Variants in BMP7 observed in about 807,000 individuals in gnomAD.
BMP7 encodes osteogenic protein 1.
A neutral mutation model predicts 41.2 loss-of-function variants in BMP7; 12 were observed. The ratio of observed to expected loss-of-function variants is 0.29; its 90% confidence interval spans 0.19 to 0.47. The LOEUF is 0.47. Ranked by LOEUF, BMP7 falls within the 20% of genes least tolerant of loss-of-function variation. The pLI is 0.99. For missense variants in BMP7, 467 were observed against 606.0 expected (o/e 0.77, Z 2.41); for synonymous variants, 248 against 250.0 (o/e 0.99, Z 0.07).
In BMP7 at chr20:57,183,671, G is replaced by A; in HGVS notation, c.958+51C>T. On this transcript the variant is annotated intron_variant, in intron 4 of 6. Coordinates refer to ENST00000395863, the MANE Select transcript of BMP7 (RefSeq NM_001719.3). Reference sequence around the variant, plus strand: ...CAGTCTCCTGCCGGGTCCCGCCGGGGCCCTGCTGGGTTCCTGTGGTGGGTC... The same window carrying A: ...CAGTCTCCTGCCGGGTCCCGCCGGGACCCTGCTGGGTTCCTGTGGTGGGTC... 6 of 1,609,038 alleles carry A rather than the reference G, an allele frequency of 3.7e-6. No individual in the cohort carries two copies. The South Asian group carries it at 4.4e-5, about 12-fold the overall frequency.
intron 2 of BMP7, among the ~76,000 whole-genome samples, chr20:57,218,998 G>A (rs1985114543): frequency 7.1e-6 from 1 of 140,620 alleles, no homozygotes; most frequent in Non-Finnish European, 1.6e-5. Context: ...TGGTAGCTGG[G>A]TTTGTTTGGT....
intron 6 of BMP7, chr20:57,172,931 C>T: frequency 1.7e-6 from 1 of 605,180 alleles, no homozygotes; most frequent in Non-Finnish European, 2.9e-6. Context: ...CTACAAGCAT[C>T]CTCAAAGGAG....
chr20:57,199,238 G>A lies in BMP7; in HGVS notation c.760+3237C>T, dbSNP rs894756271. ...CTTCCCCGTGCAGGATCTGGCAGGG[G>A]AGGGTTGAGACCCAGAACCCGAGGG... On this transcript the variant is annotated intron_variant, in intron 3 of 6. Coordinates refer to ENST00000395863, the MANE Select transcript of BMP7 (RefSeq NM_001719.3). 7.2e-5 allele frequency among the ~76,000 whole-genome samples: 11 copies of A among 152,300 alleles called. 1 individual carries two copies. In the East Asian group the frequency reaches 2.1e-3, roughly 29 times the overall value.
At chr20:57,193,769 A>G (rs1338339602) in intron 3 of BMP7, among the ~76,000 whole-genome samples, 6 of 152,238 alleles carry the variant, frequency 3.9e-5, no homozygotes, top group Admixed American at 6.5e-5. Flanking sequence ...TTTCTGATGT[A>G]AAGCAGAAAT....
At chr20:57,203,918 C>G (rs1984677644) in intron 2 of BMP7, among the ~76,000 whole-genome samples, 1 of 152,212 alleles carries the variant, frequency 6.6e-6, no homozygotes, top group African/African-American at 2.4e-5. Flanking sequence ...ATATGCCAGG[C>G]TCCAGGTTGA....
chr20:57,198,475 G>C (rs1001163035), intron 3 of BMP7, among the ~76,000 whole-genome samples: 6 of 152,206 alleles, frequency 3.9e-5, no homozygotes, highest in African/African-American at 1.4e-4. Flanking sequence ...AGGGAGATGA[G>C]ACCAGGCTCC....
chr20:57,171,086 G>A lies in BMP7; in HGVS notation c.1169C>T (p.Thr390Met), dbSNP rs766490422. 1.2e-5 allele frequency: 20 copies of A among 1,614,122 alleles called. No individual in the cohort carries two copies. Among genetic ancestry groups the A allele is most frequent in the Admixed American group, 5.0e-5 (3 of 60,010 alleles). ...QTLVHFINPE[T>M]VPKPCCAPTQ... ...GGGCGCACAGCAGGGCTTGGGCACC[G>A]TTTCCGGGTTGATGAAGTGGACCTG... The change falls in exon 7 of 7, where the codon ACG (threonine) becomes ATG (methionine). Residue 390 changes from threonine to methionine, a missense_variant. Coordinates refer to ENST00000395863, the MANE Select transcript of BMP7 (RefSeq NM_001719.3). This position sits in a 1 kb window ranked among gnomAD's most constrained non-coding sequence, Gnocchi z 4.5.
intron 1 of BMP7, among the ~76,000 whole-genome samples, chr20:57,250,676 T>G (rs1007431195): frequency 8.5e-5 from 13 of 152,140 alleles, no homozygotes; most frequent in African/African-American, 2.9e-4. Context: ...CTGTGAAAGT[T>G]TTATTGATGT....
Position 57,213,147 on chromosome 20 carries a change from G to C in BMP7, c.612-10524C>G, listed in dbSNP as rs369241095. Among the ~76,000 whole-genome samples the C allele has an allele frequency of 2.0e-5, 3 of 152,220 alleles. No homozygotes were observed. Among genetic ancestry groups the C allele is most frequent in the African/African-American group, 7.2e-5 (3 of 41,462 alleles). On this transcript the variant is annotated intron_variant, in intron 2 of 6. Coordinates refer to ENST00000395863, the MANE Select transcript of BMP7 (RefSeq NM_001719.3). This position sits in a 1 kb window ranked among gnomAD's most constrained non-coding sequence, Gnocchi z 4.4. ...CGGCCCTCTCACCCACCCCACGGCTGTCTGTCTCCCTCTGGGCAGGGCCAG... is the reference window on the plus strand; with the variant it reads ...CGGCCCTCTCACCCACCCCACGGCTCTCTGTCTCCCTCTGGGCAGGGCCAG...
intron 6 of BMP7, among the ~76,000 whole-genome samples, chr20:57,172,688 C>T (rs765881825): frequency 2.0e-5 from 3 of 152,232 alleles, no homozygotes; most frequent in African/African-American, 4.8e-5. Context: ...AGTGTCGCCA[C>T]GTGCTGGGCA....
intron 2 of BMP7, among the ~76,000 whole-genome samples, chr20:57,227,527 C>A (rs2066012172): frequency 6.6e-6 from 1 of 152,090 alleles, no homozygotes; most frequent in African/African-American, 2.4e-5. Context: ...CCCACACCAC[C>A]TTTCTTCCAT....
chr20:57,187,970 C>T (rs1197282357), intron 3 of BMP7, among the ~76,000 whole-genome samples: 1 of 152,162 alleles, frequency 6.6e-6, no homozygotes, highest in African/African-American at 2.4e-5. Flanking sequence ...AAAGGCTGAA[C>T]AACACCACAG....
At chr20:57,176,750 T>TCTCACACA (rs1491171120) in intron 4 of BMP7, among the ~76,000 whole-genome samples, 6 of 135,510 alleles carry the variant, frequency 4.4e-5, no homozygotes, top group East Asian at 4.7e-4. Flanking sequence ...CATTCTCCAT[T>TCTCACACA]CACACACACA....
intron 3 of BMP7, among the ~76,000 whole-genome samples, chr20:57,196,384 C>T (rs1324674578): frequency 3.9e-5 from 6 of 152,188 alleles, no homozygotes; most frequent in Non-Finnish European, 8.8e-5. Context: ...CGTTCCTGGT[C>T]GGACTCCTCC....
At chr20:57,249,263 C>G (rs2066102773) in intron 1 of BMP7, among the ~76,000 whole-genome samples, 1 of 151,900 alleles carries the variant, frequency 6.6e-6, no homozygotes, top group East Asian at 2.0e-4. Context: ...GGACCTGTAT[C>G]ATACCAAACT....
At chr20:57,173,154 C>A in intron 6 of BMP7, 46 bp downstream of exon 6, 3 of 1,578,208 alleles carry the variant, frequency 1.9e-6, no homozygotes, top group Non-Finnish European at 2.6e-6. Flanking sequence ...GGCCCCGCAG[C>A]CTGCCCGGCC....
At chr20:57,233,635 C>A (rs967821729) in intron 1 of BMP7, among the ~76,000 whole-genome samples, 1 of 152,196 alleles carries the variant, frequency 6.6e-6, no homozygotes, top group Non-Finnish European at 1.5e-5. Context: ...CTCAGGAGTA[C>A]CTTGCCTCTC....
rs375250609 is a variant in BMP7 at position 57,259,909 on chromosome 20, C to A, written c.418+5796G>T. ...ACTATCTGTTCCATATTAAGAAATA[C>A]CAAGTCACATTTTTTGTCAATTATT... On this transcript the variant is annotated intron_variant, in intron 1 of 6. Transcript: ENST00000395863. The surrounding 1 kb of genome is among the most constrained non-coding windows in gnomAD (Gnocchi z 4.7). 6.6e-6 allele frequency among the ~76,000 whole-genome samples: 1 copy of A among 152,052 alleles called. No homozygotes were observed. The highest frequency in any genetic ancestry group is 2.1e-4 in the South Asian group (1 of 4,814).
chr20:57,220,217 C>T (rs944715494), intron 2 of BMP7, among the ~76,000 whole-genome samples: 2 of 152,192 alleles, frequency 1.3e-5, no homozygotes, highest in African/African-American at 4.8e-5. Context: ...TTGGAAGAAC[C>T]TTGAGTATTT....
Sources: allele counts gnomAD v4.1 joint callset (sites outside exome capture counted in the v4.1 genomes callset), GRCh38; gene constraint gnomAD v4.1.1; non-coding constraint Gnocchi (gnomAD v3.1); transcripts MANE v1.5; gene names NCBI Gene and HGNC (gene_info 2026-07-23, HGNC 2026-07-21).